The following SUGP2 variants were observed in gnomAD, a reference collection of about 807,000 sequenced individuals.
The protein encoded by SUGP2 is SURP and G-patch domain-containing protein 2.
In SUGP2, 24 loss-of-function variants were observed where a neutral mutation model predicts 90.5. That is an observed-to-expected ratio of 0.27 (90% CI 0.19 to 0.37). The LOEUF (loss-of-function observed/expected upper bound fraction) is 0.37. Ranked by LOEUF, SUGP2 falls within the 10% of genes least tolerant of loss-of-function variation. The pLI is 1.00. For missense variants in SUGP2, 1,233 were observed against 1,363.3 expected (o/e 0.90, Z 1.51); for synonymous variants, 473 against 513.4 (o/e 0.92, Z 1.06).
intron 8 of SUGP2, among the ~76,000 whole-genome samples, chr19:18,995,509 A>T (rs1210540352): frequency 6.6e-6 from 1 of 152,128 alleles, no homozygotes; most frequent in Non-Finnish European, 1.5e-5. Context: ...CTCAGCTACC[A>T]CTATAACCCT....
intron 2 of SUGP2, among the ~76,000 whole-genome samples, chr19:19,027,044 C>T (rs1384675661): frequency 6.6e-6 from 1 of 152,112 alleles, no homozygotes; most frequent in Admixed American, 6.6e-5. Context: ...CTTTGGGAGG[C>T]CGAGGTGGGA....
intron 8 of SUGP2, among the ~76,000 whole-genome samples, chr19:18,997,402 G>A (rs1568377383): frequency 6.6e-6 from 1 of 152,086 alleles, no homozygotes; most frequent in Non-Finnish European, 1.5e-5. Flanking sequence ...GAGCTCCTGG[G>A]GCCTCAGTGT....
intron 3 of SUGP2, among the ~76,000 whole-genome samples, chr19:19,020,600 C>A (rs950024976): frequency 2.0e-5 from 3 of 151,466 alleles, no homozygotes; most frequent in African/African-American, 7.3e-5. Context: ...TGCGCCACCA[C>A]GTACAGCTTT....
At chr19:19,033,544 G>T, upstream of SUGP2, 1 of 1,291,704 alleles carries the variant, frequency 7.7e-7, no homozygotes, top group South Asian at 2.0e-5. Context: ...GGTCTCCGCA[G>T]CGCCGCGCCG....
chr19:19,005,245 T>A (rs2058019497), intron 6 of SUGP2, among the ~76,000 whole-genome samples: 1 of 152,124 alleles, frequency 6.6e-6, no homozygotes, highest in Non-Finnish European at 1.5e-5. Flanking sequence ...AAGCTGTGGC[T>A]GGTATGAGAA....
chr19:19,027,697 G>T (rs931001825), intron 2 of SUGP2, among the ~76,000 whole-genome samples: 1 of 151,850 alleles, frequency 6.6e-6, no homozygotes, highest in African/African-American at 2.4e-5. Context: ...GAGTGCAAGG[G>T]TGCGATCTTG....
At chr19:19,026,361 C>T in intron 2 of SUGP2, 135 bp from the exon 3 acceptor site, 1 of 817,960 alleles carries the variant, frequency 1.2e-6, no homozygotes, top group Non-Finnish European at 1.8e-6. Flanking sequence ...TGCTTTTTGC[C>T]AATCTGTATT....
chr19:19,004,731 G>T, intron 6 of SUGP2, 85 bp from the exon 7 acceptor site: 1 of 1,153,550 alleles, frequency 8.7e-7, no homozygotes. Context: ...TTGATCCAAG[G>T]AAGGTGGAGG....
Position 18,995,146 on chromosome 19 carries a change from G to A in SUGP2, c.3126C>T (p.Ser1042=), listed in dbSNP as rs1048102310. ...ACCCCAGGCTGCCTGCTGCGTACAC[G>A]CTGACCGGCTCCCTGATGCCCTTTC... ...SLGKGIREPV[S]VGTPSEGEGL... Residue 1042 remains serine, a splice_region_variant and synonymous_variant, in exon 9 of 11, where the codon AGC becomes AGT. Transcript: ENST00000452918. 3 of 1,294,042 alleles carry A rather than the reference G, an allele frequency of 2.3e-6. No homozygotes were observed. The highest frequency in any genetic ancestry group is 3.8e-5 in the Admixed American group (2 of 52,700). The allele number at this position is 1,294,042 out of a possible 1,614,324, so 80.2% of individuals were successfully genotyped here.
At position 18,993,667 on chromosome 19, in the gene SUGP2, C is replaced by T. The variant is rs555605586; in HGVS notation, c.*74G>A. 2.0e-5 allele frequency: 3 copies of T among 152,564 alleles called. No homozygotes were observed. Among genetic ancestry groups the T allele is most frequent in the Admixed American group, 6.6e-5 (1 of 15,260 alleles). The allele number at this position is 152,564 out of a possible 1,614,324, so 9.5% of individuals were successfully genotyped here. The stretch of plus-strand genomic sequence containing the variant: ...CCGTACTTGGGCACTGGCTCCAGGC[C>T]GATCCAGGGCAGGGATGATGTTTTA... On this transcript the variant is annotated 3_prime_UTR_variant, in exon 11 of 11. Coordinates refer to ENST00000452918, the MANE Select transcript of SUGP2 (RefSeq NM_001017392.5).
At chr19:19,033,583 G>A (rs557828438), upstream of SUGP2, 55 of 1,198,204 alleles carry the variant, frequency 4.6e-5, no homozygotes, top group Non-Finnish European at 5.6e-5. Flanking sequence ...CCGAGTCCTG[G>A]TGCGCAGGCG....
rs1012077447 is a variant in SUGP2 at position 18,994,904 on chromosome 19, G to A, written c.3128+240C>T. On this transcript the variant is annotated intron_variant, in intron 9 of 10. Coordinates refer to ENST00000452918, the MANE Select transcript of SUGP2 (RefSeq NM_001017392.5). ...CTTAGCTTTTATGATGGTCACAAAT[G>A]TGGCCAAAATGACCAGGGCCAACAA... is the stretch of plus-strand genomic sequence containing the variant. 11 of 593,646 alleles carry A rather than the reference G, an allele frequency of 1.9e-5. No homozygotes were observed. In the Admixed American group the frequency reaches 3.0e-4, roughly 16 times the overall value. 36.8% of individuals were successfully genotyped at this position (593,646 alleles called of 1,614,324 possible). A position where few individuals can be genotyped will look rare whatever the true frequency, so the allele number is the denominator to read the frequency against.
intron 4 of SUGP2, among the ~76,000 whole-genome samples, chr19:19,016,735 C>G (rs1568428943): frequency 6.6e-6 from 1 of 152,118 alleles, no homozygotes; most frequent in Non-Finnish European, 1.5e-5. Flanking sequence ...GACCTGCCTC[C>G]CAACGTTGTT....
rs778817411 is a variant in SUGP2 at position 19,009,958 on chromosome 19, A to G, written c.2235T>C (p.Ser745=). ...AGGCTTCTAAGCTGGGGTCCTGAGG[A>G]GAAGGTCCAACTGGGTCTGGCGGGC... ...KDCPPDPVGP[S]PQDPSLEASG... The change falls in exon 5 of 11, where the codon TCT becomes TCC. Residue 745 remains serine, a synonymous_variant. Coordinates refer to ENST00000452918, the MANE Select transcript of SUGP2 (RefSeq NM_001017392.5). 1 of 1,614,138 alleles carries G rather than the reference A, an allele frequency of 6.2e-7. No homozygotes were observed.
rs1304808976 is a variant in SUGP2, at chr19:19,033,443, A to C, written c.-18T>G. The C allele has an allele frequency of 3.6e-6, 5 of 1,389,072 alleles. No homozygotes were observed. The highest frequency in any genetic ancestry group is 1.5e-5 in the African/African-American group (1 of 64,632). The allele number at this position is 1,389,072 out of a possible 1,614,324, so 86.0% of individuals were successfully genotyped here. On this transcript the variant is annotated 5_prime_UTR_variant, in exon 1 of 11. Coordinates refer to ENST00000452918, the MANE Select transcript of SUGP2 (RefSeq NM_001017392.5). Reference sequence around the variant, plus strand: ...GCCAGGGCCCGGGCCTCACCCCGAGACCACCGCGCGCGGAGCCACCCCCGC... The same window carrying C: ...GCCAGGGCCCGGGCCTCACCCCGAGCCCACCGCGCGCGGAGCCACCCCCGC...
At chr19:18,998,604 G>A (rs951174969) in intron 8 of SUGP2, among the ~76,000 whole-genome samples, 7 of 150,628 alleles carry the variant, frequency 4.6e-5, no homozygotes, top group Non-Finnish European at 7.4e-5. Flanking sequence ...GTGTGTGTGC[G>A]TGTGTGTATG....
At chr19:19,013,077 G>A (rs1473837798) in intron 4 of SUGP2, among the ~76,000 whole-genome samples, 2 of 152,102 alleles carry the variant, frequency 1.3e-5, no homozygotes, top group Non-Finnish European at 2.9e-5. Context: ...ATGTTGGCCA[G>A]GCTGGTCTTG....
Position 19,024,734 on chromosome 19 carries a change from G to T in SUGP2, c.1614C>A (p.Ser538Arg), listed in dbSNP as rs750428148. The change falls in exon 3 of 11, where the codon AGC (serine) becomes AGA (arginine). Residue 538 changes from serine (S) to arginine (R), a missense_variant. Physicochemically the swap from Ser to Arg is moderately radical, Grantham distance 110. Transcript: ENST00000452918. Reference protein sequence around the residue: ...IDHLKAWLVSSGCPLQVKKAE... With the variant: ...IDHLKAWLVSRGCPLQVKKAE... ...CTTTCTTAACCTGGAGGGGACATCCGCTGCTGACTAGCCAGGCCTTCAGGT... is the reference window on the plus strand; with the variant it reads ...CTTTCTTAACCTGGAGGGGACATCCTCTGCTGACTAGCCAGGCCTTCAGGT... 1.9e-6 allele frequency: 3 copies of T among 1,614,176 alleles called. No homozygotes were observed. The highest frequency in any genetic ancestry group is 2.5e-6 in the Non-Finnish European group (3 of 1,180,048).
chr19:18,997,513 G>A (rs1436250145), intron 8 of SUGP2, among the ~76,000 whole-genome samples: 12 of 152,066 alleles, frequency 7.9e-5, no homozygotes, highest in East Asian at 1.9e-4. Flanking sequence ...GGCTGGGCGC[G>A]GTGGCTCACG....
Sources: gnomAD v4.1 joint callset for allele counts (sites outside exome capture counted in the v4.1 genomes callset) on GRCh38, gnomAD v4.1.1 for gene constraint, MANE v1.5 for transcripts, NCBI Gene and HGNC (gene_info 2026-07-23, HGNC 2026-07-21) for gene names.